Variants in PARVG observed in about 807,000 individuals in gnomAD.
PARVG encodes the protein gamma-parvin.
In PARVG, 36 loss-of-function variants were observed where a neutral mutation model predicts 44.4. The observed-to-expected ratio is 0.81, with a 90% CI of 0.62 to 1.07. PARVG has a LOEUF of 1.07. Among genes scored for constraint, PARVG ranks in the 50% least tolerant of loss-of-function variants. The probability of loss-of-function intolerance (pLI) is 0.00; values close to 1 mark genes in which losing one functional copy is unlikely to be tolerated. For synonymous variants in PARVG, 170 were observed against 174.1 expected, an observed-to-expected ratio of 0.98 and a Z score of 0.19; for missense variants, 407 against 407.4, an observed-to-expected ratio of 1.00 and a Z score of 0.01.
chr22:44,203,971 A>G (rs2054745204), intron 12 of PARVG, among the ~76,000 whole-genome samples: 1 of 152,168 alleles, frequency 6.6e-6, no homozygotes, highest in African/African-American at 2.4e-5. Context: ...CAGCCTCCCA[A>G]GTAGCTGGGA....
chr22:44,181,667 C>T (rs1308588391), intron 1 of PARVG, 75 bp from the exon 2 acceptor site: 1 of 975,872 alleles, frequency 1.0e-6, no homozygotes. Context: ...GGCGCTGGGG[C>T]TCCGGGCAGA....
Position 44,206,361 on chromosome 22 carries a change from G to A in PARVG, c.931G>A (p.Gly311Ser). The A allele has an allele frequency of 6.2e-7, 1 of 1,614,014 alleles. No individual in the cohort carries two copies. The highest frequency in any genetic ancestry group is 8.5e-7 in the Non-Finnish European group (1 of 1,179,982). ...CAAGAGCACACTGAGGGTGCTCTAT[G>A]GTCTGTTCTGCAAGCACACGCAGAA... ...DAKSTLRVLY[G>S]LFCKHTQKAH... The change falls in exon 14 of 14, where the codon GGT becomes AGT. Residue 311 changes from glycine (G) to serine (S), a missense_variant. By Grantham distance (56) the Gly-to-Ser change is moderately conservative (BLOSUM62 0). Coordinates refer to ENST00000444313, the MANE Select transcript of PARVG (RefSeq NM_022141.7).
chr22:44,199,766 G>A (rs981343196), intron 12 of PARVG, among the ~76,000 whole-genome samples: 1 of 152,214 alleles, frequency 6.6e-6, no homozygotes, highest in African/African-American at 2.4e-5. Context: ...TTGCAGAGGG[G>A]AGGGAATAGC....
intron 12 of PARVG, among the ~76,000 whole-genome samples, chr22:44,201,222 C>T (rs1040821506): frequency 6.6e-6 from 1 of 152,216 alleles, no homozygotes; most frequent in Non-Finnish European, 1.5e-5. Context: ...CCACAGTCCA[C>T]ACTCCCTTGG....
At chr22:44,176,382 G>A (rs906558904), upstream of PARVG, among the ~76,000 whole-genome samples, 1 of 152,304 alleles carries the variant, frequency 6.6e-6, no homozygotes, top group Middle Eastern at 3.4e-3. Flanking sequence ...GAAAAATTCT[G>A]TATGTGTCTG....
At chr22:44,204,295 C>T (rs139178) in intron 12 of PARVG, among the ~76,000 whole-genome samples, 70,747 of 151,810 alleles carry the variant, frequency 0.47, 16,389 homozygotes, top group Middle Eastern at 0.49. Flanking sequence ...AGCTCCTATG[C>T]CTTCATCATC....
In PARVG at chr22:44,187,893, C is replaced by T; in HGVS notation, c.247+15C>T. ...CCACCTATTCCGTAAGTGGCTGTTT[C>T]TGGGGCTGCCTGGGCCTCGGCCCCA... On this transcript the variant is annotated intron_variant, in intron 5 of 13. Coordinates refer to ENST00000444313, the MANE Select transcript of PARVG (RefSeq NM_022141.7). 15 of 1,613,688 alleles carry T rather than the reference C, an allele frequency of 9.3e-6. No homozygotes were observed. Among genetic ancestry groups the T allele is most frequent in the Non-Finnish European group, 1.1e-5 (13 of 1,179,870 alleles).
chr22:44,183,322 G>A lies in PARVG; in HGVS notation c.-8G>A, dbSNP rs1282571346. 1 of 1,608,032 alleles carries A rather than the reference G, an allele frequency of 6.2e-7. No individual in the cohort carries two copies. Among genetic ancestry groups the A allele is most frequent in the Non-Finnish European group, 8.5e-7 (1 of 1,178,232 alleles). On this transcript the variant is annotated 5_prime_UTR_variant, in exon 3 of 14. Coordinates refer to ENST00000444313, the MANE Select transcript of PARVG (RefSeq NM_022141.7). ...TCTCCTGCCTCCTCTGTGCAGGCTT[G>A]GGAGGCGATGGAGCCGGAGTTCTTG...
intron 12 of PARVG, among the ~76,000 whole-genome samples, chr22:44,202,274 G>T (rs1242919190): frequency 6.6e-6 from 1 of 152,212 alleles, no homozygotes; most frequent in African/African-American, 2.4e-5. Flanking sequence ...CTGAGACTGG[G>T]GTCAGAGCCT....
At chr22:44,175,698 T>G (rs2054312658) in intron 1 of PARVG, among the ~76,000 whole-genome samples, 1 of 151,354 alleles carries the variant, frequency 6.6e-6, no homozygotes. Flanking sequence ...GGGGTGGGGG[T>G]GTGCTAGGGC....
intron 3 of PARVG, 152 bp downstream of exon 3, chr22:44,183,560 C>T (rs2054418199): frequency 1.6e-6 from 1 of 629,054 alleles, no homozygotes; most frequent in Non-Finnish European, 2.6e-6. Context: ...TTATGCTTGA[C>T]CTAACTCCTC....
At chr22:44,185,092 C>T (rs1427672013) in intron 3 of PARVG, 1 of 152,290 alleles carries the variant, frequency 6.6e-6, no homozygotes, top group Non-Finnish European at 1.5e-5. Flanking sequence ...CTGGGCACAA[C>T]AGCCCATGAC....
rs749057788 is a variant in PARVG, at chr22:44,183,350, C to T, written c.21C>T (p.Tyr7=). 9.3e-6 allele frequency: 15 copies of T among 1,609,858 alleles called. No individual in the cohort carries two copies. Among genetic ancestry groups the T allele is most frequent in the African/African-American group, 4.0e-5 (3 of 74,860 alleles). The change falls in exon 3 of 14, where the codon TAC becomes TAT. Residue 7 remains tyrosine, a synonymous_variant. Transcript: ENST00000444313. MEPEFL[Y]DLLQLPKGVE... Reference sequence around the variant, plus strand: ...AGGCGATGGAGCCGGAGTTCTTGTACGACCTGCTGCAGCTCCCCAAGGGGG... The same window carrying T: ...AGGCGATGGAGCCGGAGTTCTTGTATGACCTGCTGCAGCTCCCCAAGGGGG...
At chr22:44,192,275 C>A in intron 8 of PARVG, 171 bp downstream of exon 8, 1 of 696,526 alleles carries the variant, frequency 1.4e-6, no homozygotes, top group Non-Finnish European at 2.4e-6. Context: ...CACGGCAGCA[C>A]ACAGGACCCC....
intron 5 of PARVG, 141 bp downstream of exon 5, chr22:44,188,019 G>A: frequency 1.2e-6 from 1 of 865,530 alleles, no homozygotes; most frequent in Non-Finnish European, 1.8e-6. Context: ...TTCTAGATGG[G>A]CCTGGGCTGG....
At chr22:44,177,294 A>G (rs1386986998), upstream of PARVG, among the ~76,000 whole-genome samples, 2 of 152,188 alleles carry the variant, frequency 1.3e-5, no homozygotes, top group African/African-American at 2.4e-5. Context: ...CTCTAAATAC[A>G]TCAGTGTAGC....
At chr22:44,172,995 A>C (rs767174340) in exon 1 of PARVG, 1 of 1,289,672 alleles carries the variant, frequency 7.8e-7, no homozygotes, top group South Asian at 1.2e-5. Flanking sequence ...TGCATTTAGC[A>C]GTCATGGATG....
chr22:44,194,701 C>T (rs2054594894), intron 9 of PARVG, among the ~76,000 whole-genome samples: 1 of 150,698 alleles, frequency 6.6e-6, no homozygotes, highest in Non-Finnish European at 1.5e-5. Context: ...CACCCACCCA[C>T]CTATCCACGC....
intron 4 of PARVG, 54 bp downstream of exon 4, chr22:44,185,926 C>T: frequency 6.5e-7 from 1 of 1,541,218 alleles, no homozygotes. Context: ...GCAGACCAGG[C>T]AGCGGCCTCC....
Sources: allele counts gnomAD v4.1 joint callset (sites outside exome capture counted in the v4.1 genomes callset), GRCh38; gene constraint gnomAD v4.1.1; transcripts MANE v1.5; gene names NCBI Gene and HGNC (gene_info 2026-07-23, HGNC 2026-07-21).